Variants in CASZ1 observed in about 807,000 individuals in gnomAD.
The protein encoded by CASZ1 is castor zinc finger 1.
In CASZ1, 28 loss-of-function variants were observed where a neutral mutation model predicts 135.2. The ratio of observed to expected loss-of-function variants is 0.21; its 90% CI spans 0.15 to 0.28. The LOEUF (loss-of-function observed/expected upper bound fraction) is 0.28. Among genes scored for constraint, CASZ1 ranks in the 10% least tolerant of loss-of-function variants. CASZ1 has a pLI of 1.00. For synonymous variants in CASZ1, 1,068 were observed against 1,073.4 expected, an observed-to-expected ratio of 0.99 and a Z score of 0.10; for missense variants, 2,161 against 2,453.3, an observed-to-expected ratio of 0.88 and a Z score of 2.52.
chr1:10,732,249 C>T (rs113725448), intron 2 of CASZ1, among the ~76,000 whole-genome samples: 2,119 of 148,740 alleles, frequency 0.014, 41 homozygotes, highest in East Asian at 0.094. Context: ...CACTTGAACT[C>T]GGGAGGCAGA....
intron 1 of CASZ1, among the ~76,000 whole-genome samples, chr1:10,775,411 A>G (rs139665667): frequency 6.6e-6 from 1 of 151,684 alleles, no homozygotes; most frequent in African/African-American, 2.4e-5. Context: ...GGATTCATGG[A>G]CACTACAATG....
chr1:10,643,107 C>A, intron 19 of CASZ1, 53 bp downstream of exon 19: 1 of 1,600,348 alleles, frequency 6.2e-7, no homozygotes, highest in Non-Finnish European at 8.5e-7. Flanking sequence ...AGCGTGGGAC[C>A]ATGATGCGTT....
At chr1:10,764,107 C>A (rs952506901) in intron 1 of CASZ1, among the ~76,000 whole-genome samples, 3 of 152,230 alleles carry the variant, frequency 2.0e-5, no homozygotes, top group Admixed American at 6.5e-5. Context: ...AGGTGATCGG[C>A]CTGCCTTGGC....
At chr1:10,659,657 G>A (rs1176373285) in intron 6 of CASZ1, 45 bp downstream of exon 6, 6 of 1,514,870 alleles carry the variant, frequency 4.0e-6, no homozygotes, top group Middle Eastern at 3.4e-4. Context: ...CTCCTGTCTA[G>A]TCTGGCTCCT....
Position 10,727,924 on chromosome 1 carries a change from G to T in CASZ1, c.-76-22380C>A, listed in dbSNP as rs1268326462. ...CCATGCCCCGGCACCATGCCAACAC[G>T]TGGAAGGTTGAACTAACCCCGGGCG... is the stretch of plus-strand genomic sequence containing the variant. On this transcript the variant is annotated intron_variant, in intron 2 of 20. Coordinates refer to ENST00000377022, the MANE Select transcript of CASZ1 (RefSeq NM_001079843.3). The surrounding 1 kb of genome is among the most constrained non-coding windows in gnomAD (Gnocchi z 5.3). Among the ~76,000 whole-genome samples the T allele has an allele frequency of 6.6e-6, 1 of 152,216 alleles. No homozygotes were observed. The highest frequency in any genetic ancestry group is 1.5e-5 in the Non-Finnish European group (1 of 68,036).
chr1:10,677,325 G>A (rs1638256193), intron 4 of CASZ1, among the ~76,000 whole-genome samples: 1 of 152,176 alleles, frequency 6.6e-6, no homozygotes, highest in African/African-American at 2.4e-5. Context: ...GGGAAGGATT[G>A]ACAGAGGGCA....
rs1638863574 is a variant in CASZ1, at chr1:10,694,274, C to G, written c.-23-362G>C. On this transcript the variant is annotated intron_variant, in intron 3 of 20. Coordinates refer to ENST00000377022, the MANE Select transcript of CASZ1 (RefSeq NM_001079843.3). The surrounding 1 kb of genome is among the most constrained non-coding windows in gnomAD (Gnocchi z 6.6). ...CCCGAGACCGCGGCCCCCGGGCCTCCCCCGCCCGCGCCCGGTACTCACCAT... is the reference window on the plus strand; with the variant it reads ...CCCGAGACCGCGGCCCCCGGGCCTCGCCCGCCCGCGCCCGGTACTCACCAT... 4.0e-5 allele frequency: 42 copies of G among 1,056,540 alleles called. No homozygotes were observed. Among genetic ancestry groups the G allele is most frequent in the Non-Finnish European group, 4.7e-5 (41 of 865,338 alleles). 65.4% of individuals were successfully genotyped at this position (1,056,540 alleles called of 1,614,324 possible).
At chr1:10,789,520 C>A (rs1175257519) in intron 1 of CASZ1, among the ~76,000 whole-genome samples, 2 of 151,902 alleles carry the variant, frequency 1.3e-5, no homozygotes. Context: ...AGCGACACGT[C>A]CCTGTCTCTC....
In CASZ1 at chr1:10,720,131, G is replaced by A. The variant is rs1250166096; in HGVS notation, c.-76-14587C>T. 2.0e-5 allele frequency among the ~76,000 whole-genome samples: 3 copies of A among 152,242 alleles called. No individual in the cohort carries two copies. Among genetic ancestry groups the A allele is most frequent in the Non-Finnish European group, 2.9e-5 (2 of 68,044 alleles). On this transcript the variant is annotated intron_variant, in intron 2 of 20. Coordinates refer to ENST00000377022, the MANE Select transcript of CASZ1 (RefSeq NM_001079843.3). The surrounding 1 kb of genome is among the most constrained non-coding windows in gnomAD (Gnocchi z 5.7). ...AAGTCTGGTAGGTACCGATGGGCAT[G>A]TGATCTGGCCTCTCCGAGGTTCAAT...
At chr1:10,648,188 G>A (rs981171302) in intron 15 of CASZ1, 49 bp from the exon 16 acceptor site, 2 of 1,336,404 alleles carry the variant, frequency 1.5e-6, no homozygotes, top group African/African-American at 1.5e-5. Context: ...GAAGACAGGT[G>A]TGGAGGGGCA....
Position 10,735,258 on chromosome 1 carries a change from A to G in CASZ1, c.-77+25443T>C, listed in dbSNP as rs1016254881. On this transcript the variant is annotated intron_variant, in intron 2 of 20. Coordinates refer to ENST00000377022, the MANE Select transcript of CASZ1 (RefSeq NM_001079843.3). This position sits in a 1 kb window ranked among gnomAD's most constrained non-coding sequence, Gnocchi z 5.1. ...TAACAATGCAAGTGTGGTGAAATTA[A>G]ATATAAATCATATTTTCTGCATAAA... 3.9e-5 allele frequency among the ~76,000 whole-genome samples: 6 copies of G among 152,222 alleles called. No homozygotes were observed. The highest frequency in any genetic ancestry group is 8.8e-5 in the Non-Finnish European group (6 of 68,042).
rs796088314 is a variant in CASZ1 at position 10,774,246 on chromosome 1, A to T, written c.-233-13389T>A. Among the ~76,000 whole-genome samples the T allele has an allele frequency of 2.0e-5, 3 of 152,306 alleles. No homozygotes were observed. Among genetic ancestry groups the T allele is most frequent in the African/African-American group, 7.2e-5 (3 of 41,566 alleles). The stretch of plus-strand genomic sequence containing the variant: ...CGCTAAATCCTTGGATACACACGGT[A>T]TATCTCCTGACTCTCGGAGAATCGG... On this transcript the variant is annotated intron_variant, in intron 1 of 20. Transcript: ENST00000377022. The surrounding 1 kb of genome is among the most constrained non-coding windows in gnomAD (Gnocchi z 4.4).
In CASZ1 at chr1:10,720,601, C is replaced by T. The variant is rs1366320095; in HGVS notation, c.-76-15057G>A. 6.6e-6 allele frequency among the ~76,000 whole-genome samples: 1 copy of T among 152,204 alleles called. No homozygotes were observed. The highest frequency in any genetic ancestry group is 1.5e-5 in the Non-Finnish European group (1 of 68,042). The stretch of plus-strand genomic sequence containing the variant: ...AACTGTACATTCGCTCGGCTTTCCA[C>T]GGGACTCATGTCCTAATATGGGCCC... On this transcript the variant is annotated intron_variant, in intron 2 of 20. Coordinates refer to ENST00000377022, the MANE Select transcript of CASZ1 (RefSeq NM_001079843.3). This position sits in a 1 kb window ranked among gnomAD's most constrained non-coding sequence, Gnocchi z 5.7.
rs2124663354 is a variant in CASZ1 at position 10,639,928 on chromosome 1, C to G, written c.4294G>C (p.Glu1432Gln). ...TAAAGGTCGAAGCGCCGGAAGCCCT[C>G]CAGCATCATGCCCTCGTCCAGCATC... ...RKMLDEGMML[E>Q]GFRRFDLYED... The change falls in exon 21 of 21, where the codon GAG becomes CAG. Residue 1432 changes from glutamate (E) to glutamine (Q), a missense_variant. Glu to Gln is a conservative substitution (Grantham distance 29, BLOSUM62 2). Transcript: ENST00000377022. The surrounding 1 kb of genome is among the most constrained non-coding windows in gnomAD (Gnocchi z 4.0). The G allele has an allele frequency of 6.2e-7, 1 of 1,612,966 alleles. No individual in the cohort carries two copies. The highest frequency in any genetic ancestry group is 8.5e-7 in the Non-Finnish European group (1 of 1,180,020).
chr1:10,786,958 A>G (rs1199453360), intron 1 of CASZ1, among the ~76,000 whole-genome samples: 1 of 152,170 alleles, frequency 6.6e-6, no homozygotes, highest in Non-Finnish European at 1.5e-5. Context: ...TGGAATTCAC[A>G]GGGGTCCCCT....
At position 10,759,689 on chromosome 1, in the gene CASZ1, C is replaced by T. The variant is rs911510170; in HGVS notation, c.-77+1012G>A. Among the ~76,000 whole-genome samples, 1 of 152,162 alleles carries T rather than the reference C, an allele frequency of 6.6e-6. No homozygotes were observed. Among genetic ancestry groups the T allele is most frequent in the Non-Finnish European group, 1.5e-5 (1 of 68,018 alleles). On this transcript the variant is annotated intron_variant, in intron 2 of 20. Coordinates refer to ENST00000377022, the MANE Select transcript of CASZ1 (RefSeq NM_001079843.3). This position sits in a 1 kb window ranked among gnomAD's most constrained non-coding sequence, Gnocchi z 4.2. The stretch of plus-strand genomic sequence containing the variant: ...CTCCCTGCAAGTTCGAAGTCCAGGG[C>T]TGCTGAGCCCAGCCCCAGAGGGAGG...
intron 2 of CASZ1, among the ~76,000 whole-genome samples, chr1:10,745,449 T>C (rs1244932728): frequency 1.3e-5 from 2 of 151,992 alleles, no homozygotes; most frequent in Non-Finnish European, 2.9e-5. Flanking sequence ...TGGATTGAAA[T>C]AGAGGCAAAC....
Position 10,637,227 on chromosome 1 carries a change from G to T in CASZ1, c.*1715C>A, listed in dbSNP as rs1570385455. On this transcript the variant is annotated 3_prime_UTR_variant, in exon 21 of 21. Coordinates refer to ENST00000377022, the MANE Select transcript of CASZ1 (RefSeq NM_001079843.3). ...CCACAGACGCCCGGGGCCTGTGGCG[G>T]GTCACTGTCTGGGCAGATGCTCACA... The T allele has an allele frequency of 6.6e-6, 1 of 152,250 alleles. No homozygotes were observed. The highest frequency in any genetic ancestry group is 2.4e-5 in the African/African-American group (1 of 41,356). The allele number at this position is 152,250 out of a possible 1,614,324, so 9.4% of individuals were successfully genotyped here. A position where few individuals can be genotyped will look rare whatever the true frequency, so the allele number is the denominator to read the frequency against.
chr1:10,794,486 T>G lies in CASZ1; in HGVS notation c.-234+2078A>C, dbSNP rs1641025989. On this transcript the variant is annotated intron_variant, in intron 1 of 20. Transcript: ENST00000377022. This position sits in a 1 kb window ranked among gnomAD's most constrained non-coding sequence, Gnocchi z 5.6. ...CCCAGTGATCCAGGTTTGGGGGAGC[T>G]CCATACTCAGGAGAGGCGCTACTGC... Among the ~76,000 whole-genome samples, 1 of 151,118 alleles carries G rather than the reference T, an allele frequency of 6.6e-6. No homozygotes were observed. Among genetic ancestry groups the G allele is most frequent in the African/African-American group, 2.4e-5 (1 of 41,004 alleles).
Sources: gnomAD v4.1 joint callset for allele counts (sites outside exome capture counted in the v4.1 genomes callset) on GRCh38, gnomAD v4.1.1 for gene constraint, Gnocchi (gnomAD v3.1) non-coding constraint, MANE v1.5 for transcripts, NCBI Gene and HGNC (gene_info 2026-07-23, HGNC 2026-07-21) for gene names.